The following KLHL1 variants were observed in gnomAD, a reference collection of about 807,000 sequenced individuals.
KLHL1 encodes kelch like family member 1.
Under a neutral mutation model 77.7 loss-of-function variants are expected in KLHL1, and 47 were observed. The observed-to-expected ratio is 0.60, with a 90% CI of 0.48 to 0.77. The LOEUF (loss-of-function observed/expected upper bound fraction) is 0.77, where lower values mean the gene tolerates loss of function less well. Among genes scored for constraint, KLHL1 ranks in the 30% least tolerant of loss-of-function variants. KLHL1 has a pLI of 0.00. For missense variants in KLHL1, 925 were observed against 910.8 expected, an observed-to-expected ratio of 1.02 and a Z score of -0.20; for synonymous variants, 360 against 325.2, an observed-to-expected ratio of 1.11 and a Z score of -1.15.
chr13:69,917,092 A>G (rs1882470967), intron 4 of KLHL1, among the ~76,000 whole-genome samples: 1 of 152,098 alleles, frequency 6.6e-6, no homozygotes, highest in African/African-American at 2.4e-5. Context: ...ATATATATGT[A>G]TGCATATACA....
intron 1 of KLHL1, among the ~76,000 whole-genome samples, chr13:70,104,271 A>G (rs1008831256): frequency 1.3e-5 from 2 of 152,172 alleles, no homozygotes; most frequent in Non-Finnish European, 2.9e-5. Context: ...TCAAGGTAGT[A>G]GAGCACTGAG....
chr13:69,845,685 C>T (rs1388107504), intron 5 of KLHL1, among the ~76,000 whole-genome samples: 1 of 151,444 alleles, frequency 6.6e-6, no homozygotes, highest in Admixed American at 6.6e-5. Flanking sequence ...TATACTAGCA[C>T]TTGCTCTTTG....
At chr13:70,070,779 A>AT (rs1328021553) in intron 1 of KLHL1, among the ~76,000 whole-genome samples, 1 of 152,130 alleles carries the variant, frequency 6.6e-6, no homozygotes, top group Non-Finnish European at 1.5e-5. Context: ...TAATGATGTT[A>AT]TAAGTAACAG....
intron 6 of KLHL1, among the ~76,000 whole-genome samples, chr13:69,815,616 C>T (rs920690738): frequency 6.6e-6 from 1 of 152,104 alleles, no homozygotes; most frequent in African/African-American, 2.4e-5. Flanking sequence ...ACTATGTTTA[C>T]TCTTTGGGCA....
At chr13:70,021,472 T>C (rs1885792244) in intron 1 of KLHL1, among the ~76,000 whole-genome samples, 1 of 152,092 alleles carries the variant, frequency 6.6e-6, no homozygotes, top group African/African-American at 2.4e-5. Flanking sequence ...GCTATAAACA[T>C]ACCTATGCTG....
chr13:69,886,823 T>A (rs1230307392), intron 4 of KLHL1, among the ~76,000 whole-genome samples: 1 of 152,176 alleles, frequency 6.6e-6, no homozygotes, highest in African/African-American at 2.4e-5. Flanking sequence ...TGACCATTAG[T>A]CAATTACAGT....
intron 3 of KLHL1, among the ~76,000 whole-genome samples, chr13:69,959,360 C>T (rs1243414106): frequency 6.6e-6 from 1 of 151,906 alleles, no homozygotes; most frequent in African/African-American, 2.4e-5. Flanking sequence ...CATGATTCTT[C>T]CCTTTCCAGG....
intron 3 of KLHL1, 41 bp from the exon 4 acceptor site, chr13:69,940,277 C>T (rs1883326575): frequency 2.0e-6 from 3 of 1,473,728 alleles, no homozygotes; most frequent in Non-Finnish European, 2.8e-6. Context: ...CTTTTAAAAA[C>T]ATGAAATAAT....
intron 1 of KLHL1, among the ~76,000 whole-genome samples, chr13:70,082,145 G>C (rs1375381203): frequency 1.3e-5 from 2 of 152,090 alleles, no homozygotes; most frequent in Non-Finnish European, 2.9e-5. Context: ...TAAGTCTCCT[G>C]AGAGCTCCCT....
intron 1 of KLHL1, among the ~76,000 whole-genome samples, chr13:70,069,908 C>T (rs1251411673): frequency 6.6e-6 from 1 of 151,956 alleles, no homozygotes; most frequent in African/African-American, 2.4e-5. Flanking sequence ...GTGGCTCATG[C>T]CTGTAATGCC....
chr13:69,731,086 TAATA>T (rs1249936984), intron 8 of KLHL1, among the ~76,000 whole-genome samples: 1 of 152,138 alleles, frequency 6.6e-6, no homozygotes, highest in Non-Finnish European at 1.5e-5. Flanking sequence ...AAAGTAGTAT[TAATA>T]AATGTATATA....
chr13:69,842,170 G>A (rs1243199066), intron 5 of KLHL1, among the ~76,000 whole-genome samples: 1 of 151,316 alleles, frequency 6.6e-6, no homozygotes, highest in Non-Finnish European at 1.5e-5. Context: ...AAAAGCACAG[G>A]CAACAACAAT....
chr13:69,717,517 T>C (rs1872820418), intron 9 of KLHL1, among the ~76,000 whole-genome samples: 1 of 152,176 alleles, frequency 6.6e-6, no homozygotes, highest in East Asian at 1.9e-4. Context: ...CTTATTTAAA[T>C]GTAATTTTCC....
At chr13:70,022,775 T>C (rs1428587132) in intron 1 of KLHL1, among the ~76,000 whole-genome samples, 2 of 141,420 alleles carry the variant, frequency 1.4e-5, no homozygotes, top group Non-Finnish European at 3.1e-5. Flanking sequence ...TGTCAAGTTA[T>C]TCTCCAAGCA....
chr13:69,746,733 CAGGT>C (rs1331136683), intron 7 of KLHL1, among the ~76,000 whole-genome samples: 1 of 151,788 alleles, frequency 6.6e-6, no homozygotes, highest in Non-Finnish European at 1.5e-5. Flanking sequence ...GTTTGTCAAA[CAGGT>C]AGTCAGATTA....
chr13:69,824,983 T>C (rs1354194931), intron 6 of KLHL1, among the ~76,000 whole-genome samples: 1 of 151,990 alleles, frequency 6.6e-6, no homozygotes, highest in Non-Finnish European at 1.5e-5. Context: ...TTCATTCATG[T>C]TTTCAATTTT....
chr13:69,915,880 C>T lies in KLHL1; in HGVS notation c.1014+24160G>A, dbSNP rs1452372387. ...GCTAATATCCAGAATCTACAATGAA[C>T]TCAAACAAATTTACAAGAAAAAAAC... On this transcript the variant is annotated intron_variant, in intron 4 of 10. Transcript: ENST00000377844. Among the ~76,000 whole-genome samples, 4 of 152,126 alleles carry T rather than the reference C, an allele frequency of 2.6e-5. No homozygotes were observed. The East Asian group carries it at 7.7e-4, about 29-fold the overall frequency.
chr13:69,962,073 T>C (rs529659331), intron 2 of KLHL1, among the ~76,000 whole-genome samples: 2 of 152,066 alleles, frequency 1.3e-5, no homozygotes, highest in East Asian at 3.9e-4. Flanking sequence ...AGACTTGACA[T>C]AATTTTCATA....
chr13:69,958,431 T>A (rs1388593267), intron 3 of KLHL1, among the ~76,000 whole-genome samples: 1 of 150,162 alleles, frequency 6.7e-6, no homozygotes, highest in Non-Finnish European at 1.5e-5. Context: ...TAAAATTCTA[T>A]AAAAGTTATT....
Sources: allele counts gnomAD v4.1 joint callset (sites outside exome capture counted in the v4.1 genomes callset), GRCh38; gene constraint gnomAD v4.1.1; transcripts MANE v1.5; gene names NCBI Gene and HGNC (gene_info 2026-07-23, HGNC 2026-07-21).